Variants in MGAT4C observed in about 807,000 individuals in gnomAD.
MGAT4C encodes the protein alpha-1,3-mannosyl-glycoprotein 4-beta-N-acetylglucosaminyltransferase C.
A neutral mutation model predicts 40.1 loss-of-function variants in MGAT4C; 19 were observed. That is an observed-to-expected ratio of 0.47 (90% CI 0.33 to 0.70). The LOEUF (loss-of-function observed/expected upper bound fraction) is 0.70, where lower values mean the gene tolerates loss of function less well. Ranked by LOEUF, MGAT4C falls within the 30% of genes least tolerant of loss-of-function variation. The pLI is 0.02. For missense variants in MGAT4C, 491 were observed against 563.2 expected (o/e 0.87, Z 1.30); for synonymous variants, 181 against 187.1 (o/e 0.97, Z 0.27).
At chr12:86,340,530 T>C (rs1954885880) in intron 3 of MGAT4C, among the ~76,000 whole-genome samples, 1 of 151,748 alleles carries the variant, frequency 6.6e-6, no homozygotes, top group Non-Finnish European at 1.5e-5. Flanking sequence ...AGAAGAACAA[T>C]AAAATAGTAA....
At chr12:86,494,897 T>C (rs1045988734) in intron 2 of MGAT4C, among the ~76,000 whole-genome samples, 20 of 152,068 alleles carry the variant, frequency 1.3e-4, no homozygotes, top group African/African-American at 4.6e-4. Flanking sequence ...AGTAATAAGA[T>C]ATGTTTGAAT....
In MGAT4C at chr12:86,450,754, C is replaced by T. The variant is rs577022261; in HGVS notation, c.-228-15489G>A. 1.4e-4 allele frequency among the ~76,000 whole-genome samples: 20 copies of T among 141,816 alleles called. No individual in the cohort carries two copies. In the South Asian group the frequency reaches 4.8e-3, roughly 34 times the overall value. The allele number at this position is 141,816 out of a possible 152,430, so 93.0% of individuals were successfully genotyped here. A position where few individuals can be genotyped will look rare whatever the true frequency, so the allele number is the denominator to read the frequency against. On this transcript the variant is annotated intron_variant, in intron 2 of 7. Transcript: ENST00000548651. ...TTCCTTCTTACACACACACAACACA[C>T]ATTTATCTGTATGTATGAATATATA... is the stretch of plus-strand genomic sequence containing the variant.
chr12:86,780,487 G>T (rs1162189768), intron 1 of MGAT4C, among the ~76,000 whole-genome samples: 2 of 152,114 alleles, frequency 1.3e-5, no homozygotes, highest in East Asian at 3.9e-4. Flanking sequence ...TAGTGAGTGA[G>T]TTCTCATGAT....
At chr12:86,164,412 G>A (rs1029229033) in intron 1 of MGAT4C, among the ~76,000 whole-genome samples, 3 of 152,260 alleles carry the variant, frequency 2.0e-5, no homozygotes, top group Admixed American at 2.0e-4. Context: ...ATCAATAACT[G>A]TTTACTGCAT....
chr12:86,608,264 A>C (rs1252749957), intron 2 of MGAT4C, among the ~76,000 whole-genome samples: 2 of 152,082 alleles, frequency 1.3e-5, no homozygotes, highest in Non-Finnish European at 2.9e-5. Flanking sequence ...TTCTCCACAA[A>C]ATATCTTATA....
intron 4 of MGAT4C, among the ~76,000 whole-genome samples, chr12:86,325,915 T>C (rs1458003154): frequency 6.6e-6 from 1 of 151,684 alleles, no homozygotes; most frequent in African/African-American, 2.4e-5. Context: ...TGACACAGGG[T>C]TCCCTATACA....
chr12:86,106,838 T>C (rs1352421614), intron 1 of MGAT4C, among the ~76,000 whole-genome samples: 1 of 152,194 alleles, frequency 6.6e-6, no homozygotes, highest in African/African-American at 2.4e-5. Context: ...CCATGCTTGA[T>C]GTTGTATTTG....
chr12:85,998,548 C>A (rs1309099286), intron 2 of MGAT4C, among the ~76,000 whole-genome samples: 3 of 152,176 alleles, frequency 2.0e-5, no homozygotes, highest in African/African-American at 7.2e-5. Context: ...GAATGCCTTG[C>A]TGCTTAGAAA....
intron 1 of MGAT4C, among the ~76,000 whole-genome samples, chr12:86,100,260 T>C (rs1392257023): frequency 6.6e-6 from 1 of 151,486 alleles, no homozygotes; most frequent in Admixed American, 6.6e-5. Context: ...ATATTACTTA[T>C]TCACTCTTTC....
chr12:86,577,578 T>C (rs1960614342), intron 2 of MGAT4C, among the ~76,000 whole-genome samples: 1 of 151,862 alleles, frequency 6.6e-6, no homozygotes, highest in African/African-American at 2.4e-5. Flanking sequence ...TCTGTTGATA[T>C]AATGTTTCAT....
At chr12:86,568,408 T>G (rs1328222457) in intron 2 of MGAT4C, among the ~76,000 whole-genome samples, 1 of 152,012 alleles carries the variant, frequency 6.6e-6, no homozygotes, top group African/African-American at 2.4e-5. Context: ...GCTCACAGAC[T>G]GAAAGCTGCC....
chr12:86,472,385 T>C (rs2136304846), intron 2 of MGAT4C, among the ~76,000 whole-genome samples: 1 of 152,312 alleles, frequency 6.6e-6, no homozygotes, highest in Admixed American at 6.5e-5. Flanking sequence ...AATATATTTA[T>C]TGGTGACCAG....
intron 2 of MGAT4C, among the ~76,000 whole-genome samples, chr12:86,468,118 C>T (rs1032266143): frequency 6.6e-6 from 1 of 152,036 alleles, no homozygotes; most frequent in African/African-American, 2.4e-5. Context: ...ATATGCCCTA[C>T]TGTCTTCTTG....
chr12:86,696,039 GTTTCTACTAAAAA>G (rs1367044373), intron 2 of MGAT4C, among the ~76,000 whole-genome samples: 1 of 151,604 alleles, frequency 6.6e-6, no homozygotes, highest in African/African-American at 2.4e-5. Context: ...GTGAAACCCC[GTTTCTACTAAAAA>G]TACAAAAAAA....
chr12:86,125,778 A>G (rs1317831554), intron 1 of MGAT4C, among the ~76,000 whole-genome samples: 2 of 152,188 alleles, frequency 1.3e-5, no homozygotes, highest in Admixed American at 6.5e-5. Context: ...GAAAGGTTTA[A>G]TGGAGACAGA....
At position 86,199,123 on chromosome 12, in the gene MGAT4C, A is replaced by G. The variant is rs111445476; in HGVS notation, c.-57+57116T>C. 1.6e-3 allele frequency among the ~76,000 whole-genome samples: 238 copies of G among 152,158 alleles called. 1 individual carries two copies. Among genetic ancestry groups the G allele is most frequent in the African/African-American group, 5.4e-3 (224 of 41,546 alleles). The stretch of plus-strand genomic sequence containing the variant: ...TTGATAGACTGTTGCTGCTACTGCT[A>G]CTGCTGCTGCTGCTGCTGCATCCCT... On this transcript the variant is annotated intron_variant, in intron 1 of 4. Transcript: ENST00000611864.
chr12:86,774,281 C>CTTTTTCTTTCTTTCTTTCTTTCTTTCTTT (rs1951692302), intron 1 of MGAT4C, among the ~76,000 whole-genome samples: 5 of 58,934 alleles, frequency 8.5e-5, no homozygotes, highest in Non-Finnish European at 1.4e-4. Flanking sequence ...CTAAGGCTTG[C>CTTTTTCTTTCTTTCTTTCTTTCTTTCTTT]TCTTTCTTTC....
intron 2 of MGAT4C, among the ~76,000 whole-genome samples, chr12:86,474,726 G>A (rs923508680): frequency 2.0e-5 from 3 of 151,794 alleles, no homozygotes; most frequent in Non-Finnish European, 4.4e-5. Context: ...AGTAAATAGA[G>A]GTTTTCTAGT....
At chr12:86,465,551 T>TA (rs150678314) in intron 2 of MGAT4C, among the ~76,000 whole-genome samples, 14,928 of 150,154 alleles carry the variant, frequency 0.099, 909 homozygotes, top group Middle Eastern at 0.23. Context: ...AAACCTGAGT[T>TA]AAAAAAAAAA....
Sources: gnomAD v4.1 joint callset for allele counts (sites outside exome capture counted in the v4.1 genomes callset) on GRCh38, gnomAD v4.1.1 for gene constraint, MANE v1.5 for transcripts, NCBI Gene and HGNC (gene_info 2026-07-23, HGNC 2026-07-21) for gene names.